The following PTPRD variants were observed in gnomAD, a reference collection of about 807,000 sequenced individuals.
PTPRD encodes the protein protein tyrosine phosphatase receptor type D, also known as receptor-type tyrosine-protein phosphatase delta.
In PTPRD, 34 loss-of-function variants were observed where a neutral mutation model predicts 214.5. That is an observed-to-expected ratio of 0.16 (90% CI 0.12 to 0.21). PTPRD has a LOEUF of 0.21. PTPRD is among the 10% of genes least tolerant of loss of function. The probability of loss-of-function intolerance (pLI) is 1.00; values close to 1 mark genes in which losing one functional copy is unlikely to be tolerated. For synonymous variants in PTPRD, 1,128 were observed against 845.7 expected (o/e 1.33, Z -5.79); for missense variants, 2,545 against 2,398.7 (o/e 1.06, Z -1.27).
At chr9:10,172,281 T>A (rs2099213619) in intron 3 of PTPRD, among the ~76,000 whole-genome samples, 1 of 152,172 alleles carries the variant, frequency 6.6e-6, no homozygotes, top group South Asian at 2.1e-4. Context: ...TATAATATAT[T>A]TATAAGCTAC....
chr9:8,990,346 A>G (rs1287251727), intron 11 of PTPRD, among the ~76,000 whole-genome samples: 2 of 152,210 alleles, frequency 1.3e-5, no homozygotes, highest in Non-Finnish European at 2.9e-5. Context: ...GAAAAAGTTC[A>G]TAGGTTTACA....
chr9:10,204,135 T>G (rs1332636951), intron 3 of PTPRD, among the ~76,000 whole-genome samples: 1 of 152,196 alleles, frequency 6.6e-6, no homozygotes, highest in Non-Finnish European at 1.5e-5. Context: ...ATGCTTTAAT[T>G]TTGAAGGCAT....
intron 3 of PTPRD, among the ~76,000 whole-genome samples, chr9:10,141,687 T>G: frequency 6.6e-6 from 1 of 152,016 alleles, no homozygotes; most frequent in Non-Finnish European, 1.5e-5. Context: ...CAAGGTAATT[T>G]ACAGATTCAA....
At chr9:9,961,289 AC>A (rs2094347143) in intron 4 of PTPRD, among the ~76,000 whole-genome samples, 1 of 152,156 alleles carries the variant, frequency 6.6e-6, no homozygotes, top group African/African-American at 2.4e-5. Flanking sequence ...AAACCAAGGA[AC>A]TTGAGGCACA....
intron 23 of PTPRD, 52 bp downstream of exon 23, chr9:8,504,209 C>T (rs1039146785): frequency 4.2e-5 from 67 of 1,595,690 alleles, no homozygotes; most frequent in Admixed American, 3.0e-4. Flanking sequence ...AAGCTAGCAA[C>T]ATCTCCCCGA....
At chr9:10,596,231 T>A (rs2076591517) in intron 2 of PTPRD, among the ~76,000 whole-genome samples, 1 of 151,756 alleles carries the variant, frequency 6.6e-6, no homozygotes, top group South Asian at 2.1e-4. Flanking sequence ...AGAGTTTGAC[T>A]ACTTCTAAAT....
intron 9 of PTPRD, among the ~76,000 whole-genome samples, chr9:9,213,380 A>C (rs1373126117): frequency 6.6e-6 from 1 of 152,218 alleles, no homozygotes; most frequent in East Asian, 1.9e-4. Context: ...TACACAAAAC[A>C]CAGTGTTACT....
chr9:8,385,786 A>G (rs913583342), intron 37 of PTPRD, among the ~76,000 whole-genome samples: 1 of 152,146 alleles, frequency 6.6e-6, no homozygotes, highest in South Asian at 2.1e-4. Context: ...GCTGATCTCT[A>G]TTCTGGAGAT....
chr9:9,404,062 A>G (rs1352213772), intron 8 of PTPRD, among the ~76,000 whole-genome samples: 1 of 152,050 alleles, frequency 6.6e-6, no homozygotes, highest in East Asian at 1.9e-4. Context: ...AAGCAACAGA[A>G]AGAAGGCCAA....
At chr9:8,654,172 A>G (rs1276430500) in intron 12 of PTPRD, among the ~76,000 whole-genome samples, 2 of 152,232 alleles carry the variant, frequency 1.3e-5, no homozygotes, top group African/African-American at 2.4e-5. Flanking sequence ...TTTTAGCACC[A>G]AAACTACTGA....
chr9:10,219,313 A>T (rs1018795361), intron 3 of PTPRD, among the ~76,000 whole-genome samples: 3 of 151,916 alleles, frequency 2.0e-5, no homozygotes, highest in Admixed American at 2.0e-4. Flanking sequence ...TCTAAGCATT[A>T]GATTATGAAT....
At chr9:9,660,962 T>C (rs1007694976) in intron 7 of PTPRD, among the ~76,000 whole-genome samples, 3 of 152,002 alleles carry the variant, frequency 2.0e-5, no homozygotes, top group African/African-American at 4.8e-5. Context: ...GTTGTGAAGA[T>C]GTTAGGCAGC....
intron 5 of PTPRD, among the ~76,000 whole-genome samples, chr9:9,778,702 A>C (rs552857029): frequency 1.3e-5 from 2 of 151,742 alleles, no homozygotes; most frequent in Non-Finnish European, 2.9e-5. Flanking sequence ...ACGTTCATAC[A>C]CTCCTGGTGA....
chr9:10,099,057 G>C lies in PTPRD; in HGVS notation c.-544-65267C>G, dbSNP rs541952092. 2.0e-4 allele frequency among the ~76,000 whole-genome samples: 31 copies of C among 151,854 alleles called. No individual in the cohort carries two copies. The East Asian group carries it at 6.0e-3, about 30-fold the overall frequency. On this transcript the variant is annotated intron_variant, in intron 3 of 45. Transcript: ENST00000381196. ...GCTGCGCTCAGTTACAGAAATATGTGGTAGCCCTGTCATAATTTCATTAAT... is the reference window on the plus strand; with the variant it reads ...GCTGCGCTCAGTTACAGAAATATGTCGTAGCCCTGTCATAATTTCATTAAT...
chr9:8,624,999 A>G (rs767769126), intron 14 of PTPRD, among the ~76,000 whole-genome samples: 4 of 151,790 alleles, frequency 2.6e-5, no homozygotes, highest in Admixed American at 1.3e-4. Flanking sequence ...ATCCCTCTAC[A>G]TATGTACCTG....
chr9:8,520,953 G>A (rs1308889273), intron 20 of PTPRD, among the ~76,000 whole-genome samples: 1 of 151,852 alleles, frequency 6.6e-6, no homozygotes, highest in Non-Finnish European at 1.5e-5. Flanking sequence ...GGTCTAGTAT[G>A]TAGACTGTAC....
chr9:8,993,219 C>T (rs2099384461), intron 11 of PTPRD, among the ~76,000 whole-genome samples: 1 of 152,076 alleles, frequency 6.6e-6, no homozygotes, highest in South Asian at 2.1e-4. Flanking sequence ...AAGGTTAGAA[C>T]CATTGTCCTC....
intron 9 of PTPRD, among the ~76,000 whole-genome samples, chr9:9,198,508 T>C (rs2099939970): frequency 6.6e-6 from 1 of 152,118 alleles, no homozygotes; most frequent in African/African-American, 2.4e-5. Flanking sequence ...CCATGTATTT[T>C]ACTGTTTCTC....
chr9:8,435,986 A>C (rs12350885), intron 35 of PTPRD, among the ~76,000 whole-genome samples: 2,702 of 152,358 alleles, frequency 0.018, 45 homozygotes, highest in Middle Eastern at 0.058. Flanking sequence ...AAATGTACTT[A>C]ATCTTCGTAA....
Sources: gnomAD v4.1 joint callset for allele counts (sites outside exome capture counted in the v4.1 genomes callset) on GRCh38, gnomAD v4.1.1 for gene constraint, MANE v1.5 for transcripts, NCBI Gene and HGNC (gene_info 2026-07-23, HGNC 2026-07-21) for gene names.